The following HYDIN variants were observed in gnomAD, a reference collection of about 807,000 sequenced individuals.
HYDIN encodes the protein axonemal central pair apparatus protein HYDIN.
A neutral mutation model predicts 403.9 loss-of-function variants in HYDIN; 132 were observed. The observed-to-expected ratio is 0.33, with a 90% CI of 0.28 to 0.38. The LOEUF (loss-of-function observed/expected upper bound fraction) is 0.38. HYDIN is among the 10% of genes least tolerant of loss of function. The pLI, the probability that HYDIN is intolerant of heterozygous loss-of-function variation, is 1.00. For missense variants in HYDIN, 2,827 were observed against 5,009.5 expected, an observed-to-expected ratio of 0.56 and a Z score of 13.15; for synonymous variants, 1,202 against 1,891.7, an observed-to-expected ratio of 0.64 and a Z score of 9.46.
chr16:70,982,231 A>G (rs1382704604), intron 28 of HYDIN, among the ~76,000 whole-genome samples: 1 of 152,016 alleles, frequency 6.6e-6, no homozygotes, highest in Non-Finnish European at 1.5e-5. Flanking sequence ...TCAATATATT[A>G]AAACATTTTT....
chr16:70,892,336 G>A, intron 56 of HYDIN, 25 bp downstream of exon 56: 2 of 1,564,440 alleles, frequency 1.3e-6, no homozygotes, highest in South Asian at 2.5e-5. Flanking sequence ...CATTGAGGCA[G>A]CCCCTCCCTT....
chr16:70,976,085 G>C (rs1481983945), intron 30 of HYDIN, among the ~76,000 whole-genome samples: 6 of 151,292 alleles, frequency 4.0e-5, no homozygotes, highest in Non-Finnish European at 8.8e-5. Flanking sequence ...TTTTCCTTTG[G>C]ATAAAGCCAA....
chr16:71,012,810 G>C, intron 23 of HYDIN, among the ~76,000 whole-genome samples: 1 of 150,316 alleles, frequency 6.7e-6, no homozygotes, highest in South Asian at 2.1e-4. Flanking sequence ...TTTTTCAGAC[G>C]TCCTACACAG....
chr16:70,850,138 T>C (rs930193895), intron 74 of HYDIN, among the ~76,000 whole-genome samples, 191 bp from the exon 75 acceptor site: 41 of 152,160 alleles, frequency 2.7e-4, no homozygotes, highest in Non-Finnish European at 4.0e-4. Context: ...GTTCTTTCAA[T>C]ATCTCATGGA....
At chr16:70,821,781 A>G (rs2036281259) in intron 83 of HYDIN, among the ~76,000 whole-genome samples, 1 of 151,940 alleles carries the variant, frequency 6.6e-6, no homozygotes, top group Admixed American at 6.6e-5. Context: ...GGCCTTTAAG[A>G]ATTATGTTAA....
chr16:71,117,872 T>C (rs903268110), intron 9 of HYDIN, among the ~76,000 whole-genome samples: 1 of 152,062 alleles, frequency 6.6e-6, no homozygotes, highest in Admixed American at 6.5e-5. Flanking sequence ...TCAGTATACT[T>C]TGCAGGCAGT....
chr16:71,114,146 TA>T, intron 10 of HYDIN: 1 of 152,014 alleles, frequency 6.6e-6, no homozygotes, highest in Non-Finnish European at 1.5e-5. Context: ...CTCCCCTTCA[TA>T]AAAAGTATTT....
At chr16:71,170,607 GA>G in intron 5 of HYDIN, among the ~76,000 whole-genome samples, 1 of 152,000 alleles carries the variant, frequency 6.6e-6, no homozygotes, top group Non-Finnish European at 1.5e-5. Flanking sequence ...TCTTAATTGT[GA>G]ACCATTGTTG....
At chr16:70,925,205 G>A (rs1448612456) in intron 45 of HYDIN, among the ~76,000 whole-genome samples, 2 of 152,118 alleles carry the variant, frequency 1.3e-5, no homozygotes, top group African/African-American at 2.4e-5. Flanking sequence ...AAAACCTGGG[G>A]TGGGCATGGT....
intron 7 of HYDIN, among the ~76,000 whole-genome samples, chr16:71,150,137 T>A (rs1344142686): frequency 6.6e-6 from 1 of 151,676 alleles, no homozygotes; most frequent in Non-Finnish European, 1.5e-5. Flanking sequence ...GTAGACTTAA[T>A]TTGAATTATC....
At chr16:70,974,940 T>C (rs1471387258) in intron 31 of HYDIN, among the ~76,000 whole-genome samples, 196 bp downstream of exon 31, 1 of 152,188 alleles carries the variant, frequency 6.6e-6, no homozygotes, top group Non-Finnish European at 1.5e-5. Context: ...ATAGCTATAA[T>C]GTTCTCACTC....
intron 45 of HYDIN, among the ~76,000 whole-genome samples, chr16:70,926,614 TA>T (rs369183215): frequency 2.2e-4 from 32 of 145,084 alleles, no homozygotes; most frequent in East Asian, 1.8e-3. Context: ...AGTATAATAA[TA>T]AAAAAAAAAT....
chr16:70,893,522 C>CCTT (rs370484882), intron 55 of HYDIN: 11 of 143,126 alleles, frequency 7.7e-5, no homozygotes, highest in African/African-American at 1.1e-4. Flanking sequence ...CTTTTCTTTT[C>CCTT]TTTTTTTTTT....
chr16:70,996,147 C>A (rs2079525467), intron 23 of HYDIN, among the ~76,000 whole-genome samples: 1 of 151,928 alleles, frequency 6.6e-6, no homozygotes, highest in African/African-American at 2.4e-5. Flanking sequence ...CGGGATCAGG[C>A]AGAGGTGAGA....
chr16:70,944,316 G>C (rs1184629783), intron 41 of HYDIN, among the ~76,000 whole-genome samples: 3 of 152,246 alleles, frequency 2.0e-5, no homozygotes, highest in Non-Finnish European at 4.4e-5. Flanking sequence ...TCCAATGGAA[G>C]AGAGAGAAAA....
At chr16:70,851,284 A>G (rs1597121350) in intron 73 of HYDIN, among the ~76,000 whole-genome samples, 1 of 150,706 alleles carries the variant, frequency 6.6e-6, no homozygotes, top group Non-Finnish European at 1.5e-5. Context: ...CAGAGAAAAA[A>G]TGCAACCTAC....
intron 10 of HYDIN, among the ~76,000 whole-genome samples, chr16:71,107,539 G>T (rs1001183740): frequency 2.0e-5 from 3 of 151,854 alleles, no homozygotes; most frequent in Non-Finnish European, 2.9e-5. Context: ...TTCAAAAGAA[G>T]ACATATATGT....
At chr16:70,943,482 G>T (rs1798380) in intron 42 of HYDIN, among the ~76,000 whole-genome samples, 76,822 of 151,138 alleles carry the variant, frequency 0.51, 22,256 homozygotes, top group Non-Finnish European at 0.66. Context: ...ATTGAAAATG[G>T]GTTTTTGAAG....
At chr16:71,082,246 T>C (rs1258123115) in intron 12 of HYDIN, among the ~76,000 whole-genome samples, 1 of 152,148 alleles carries the variant, frequency 6.6e-6, no homozygotes, top group East Asian at 1.9e-4. Context: ...AGATGATGTA[T>C]TATACATGCA....
Sources: gnomAD v4.1 joint callset for allele counts (sites outside exome capture counted in the v4.1 genomes callset) on GRCh38, gnomAD v4.1.1 for gene constraint, MANE v1.5 for transcripts, NCBI Gene and HGNC (gene_info 2026-07-23, HGNC 2026-07-21) for gene names.